Variants in FRAS1 observed in about 807,000 individuals in gnomAD.
FRAS1 encodes the protein extracellular matrix organizing protein FRAS1.
In FRAS1, 290 loss-of-function variants were observed where a neutral mutation model predicts 435.2. That is an observed-to-expected ratio of 0.67 (90% CI 0.61 to 0.73). FRAS1 has a LOEUF of 0.73. FRAS1 is among the 30% of genes least tolerant of loss of function. The probability of loss-of-function intolerance (pLI) is 0.00; values close to 1 mark genes in which losing one functional copy is unlikely to be tolerated. For synonymous variants in FRAS1, 1,800 were observed against 1,851.0 expected (o/e 0.97, Z 0.71); for missense variants, 4,860 against 5,001.5 (o/e 0.97, Z 0.85).
chr4:78,413,666 C>T (rs1397733497), intron 32 of FRAS1, among the ~76,000 whole-genome samples: 2 of 152,204 alleles, frequency 1.3e-5, no homozygotes, highest in Non-Finnish European at 2.9e-5. Context: ...GAGAATAGAA[C>T]TGTTGCTAAA....
At chr4:78,091,197 T>A (rs755843790) in intron 2 of FRAS1, among the ~76,000 whole-genome samples, 1 of 152,074 alleles carries the variant, frequency 6.6e-6, no homozygotes, top group Non-Finnish European at 1.5e-5. Context: ...CACCATCTAG[T>A]CTGTCACAAA....
intron 9 of FRAS1, among the ~76,000 whole-genome samples, chr4:78,274,913 G>T (rs1357591201): frequency 3.3e-5 from 5 of 152,116 alleles, no homozygotes; most frequent in Non-Finnish European, 7.4e-5. Flanking sequence ...TGACAGTGGG[G>T]TGTTAAAGTC....
chr4:78,128,468 C>T (rs1211635155), intron 2 of FRAS1, among the ~76,000 whole-genome samples: 2 of 152,202 alleles, frequency 1.3e-5, no homozygotes, highest in Non-Finnish European at 2.9e-5. Flanking sequence ...GATGGTATCT[C>T]ATTGTGGTTT....
chr4:78,406,850 T>C (rs1443209209), intron 30 of FRAS1, among the ~76,000 whole-genome samples: 1 of 152,214 alleles, frequency 6.6e-6, no homozygotes, highest in Admixed American at 6.5e-5. Flanking sequence ...CTATTACAAG[T>C]TGAGCATCCC....
intron 2 of FRAS1, among the ~76,000 whole-genome samples, chr4:78,221,915 C>T (rs1441588363): frequency 6.6e-6 from 1 of 152,162 alleles, no homozygotes; most frequent in Non-Finnish European, 1.5e-5. Context: ...TTATAGTGTT[C>T]ACTCTGTCTT....
intron 59 of FRAS1, among the ~76,000 whole-genome samples, chr4:78,489,777 C>G (rs1720286188): frequency 6.6e-6 from 1 of 151,980 alleles, no homozygotes; most frequent in African/African-American, 2.4e-5. Context: ...TGAATATACT[C>G]CACTGTTACT....
intron 9 of FRAS1, among the ~76,000 whole-genome samples, chr4:78,269,322 G>A (rs1035738454): frequency 3.3e-5 from 5 of 152,182 alleles, no homozygotes; most frequent in African/African-American, 1.2e-4. Context: ...AGGAGCTCCC[G>A]GAGGAAATGA....
chr4:78,372,187 TA>T (rs1166351190), intron 23 of FRAS1, among the ~76,000 whole-genome samples: 1 of 152,238 alleles, frequency 6.6e-6, no homozygotes, highest in Non-Finnish European at 1.5e-5. Context: ...ATGCCCCATA[TA>T]ATTCTGACAT....
chr4:78,306,697 T>C (rs1728731903), intron 14 of FRAS1, among the ~76,000 whole-genome samples: 1 of 150,824 alleles, frequency 6.6e-6, no homozygotes, highest in African/African-American at 2.4e-5. Flanking sequence ...TTCTCGAGCC[T>C]TGGTTTTCAG....
chr4:78,509,120 C>T, intron 63 of FRAS1, 114 bp downstream of exon 63: 4 of 1,168,690 alleles, frequency 3.4e-6, no homozygotes, highest in South Asian at 2.8e-5. Flanking sequence ...TGGAATAAAA[C>T]AAATAAGCAG....
At chr4:78,116,375 T>C (rs1003996277) in intron 2 of FRAS1, among the ~76,000 whole-genome samples, 4 of 152,218 alleles carry the variant, frequency 2.6e-5, no homozygotes, top group African/African-American at 9.6e-5. Context: ...GTTTAATTCC[T>C]GGATATCCTT....
Position 78,318,974 on chromosome 4 carries a change from G to A in FRAS1, c.2125G>A (p.Gly709Ser). The A allele has an allele frequency of 6.2e-7, 1 of 1,613,738 alleles. No homozygotes were observed. The highest frequency in any genetic ancestry group is 8.5e-7 in the Non-Finnish European group (1 of 1,179,800). The change falls in exon 18 of 74, where the codon GGC (glycine) becomes AGC (serine). Residue 709 changes from glycine (G) to serine (S), a missense_variant. Coordinates refer to ENST00000512123, the MANE Select transcript of FRAS1 (RefSeq NM_025074.7). The stretch of plus-strand genomic sequence containing the variant: ...AGCCCATTTTTACTTGGAGAGCACT[G>A]GCATATGTGAAGGTAAGCATGATTT... Reference protein sequence around the residue: ...CRAHFYLESTGICEACHQSCF... With the variant: ...CRAHFYLESTSICEACHQSCF...
chr4:78,497,202 G>T (rs1720532898), intron 60 of FRAS1, among the ~76,000 whole-genome samples: 2 of 152,052 alleles, frequency 1.3e-5, no homozygotes, highest in South Asian at 4.1e-4. Flanking sequence ...GACTGATTGT[G>T]GTCAAAAGCT....
intron 2 of FRAS1, among the ~76,000 whole-genome samples, chr4:78,225,828 T>C (rs1433260257): frequency 2.0e-5 from 3 of 152,240 alleles, no homozygotes; most frequent in African/African-American, 7.2e-5. Flanking sequence ...CTCTCAATGT[T>C]ATTGGATCCA....
intron 22 of FRAS1, among the ~76,000 whole-genome samples, chr4:78,364,681 A>G (rs934735923): frequency 6.6e-6 from 1 of 152,212 alleles, no homozygotes; most frequent in Non-Finnish European, 1.5e-5. Context: ...ATTTGCCTGA[A>G]AAAAAATTAA....
chr4:78,249,064 CATATAT>C lies in FRAS1; in HGVS notation c.310-3311_310-3306del, dbSNP rs200267733. Among the ~76,000 whole-genome samples the C allele has an allele frequency of 1.5e-3, 25 of 16,636 alleles. 2 individuals are homozygous for C. The highest frequency in any genetic ancestry group is 2.3e-3 in the Admixed American group (2 of 876). The allele number at this position is 16,636 out of a possible 152,430, so 10.9% of individuals were successfully genotyped here. ...AGAACTACTGATATATATATATATGCATATATATATATATATATATATGCATGTGCT... is the reference window on the plus strand; with the variant it reads ...AGAACTACTGATATATATATATATGCATATATATATATATATGCATGTGCT... On this transcript the variant is annotated intron_variant, in intron 4 of 73. Transcript: ENST00000512123.
Position 78,372,691 on chromosome 4 carries a change from A to G in FRAS1, c.2870-27A>G, listed in dbSNP as rs534224072. On this transcript the variant is annotated intron_variant, in intron 23 of 73. Transcript: ENST00000512123. ...GGTCTGAGGGTGGACAGAAAGGAAG[A>G]TAATCTAATGCAGACTTTCTTTTTA... is the stretch of plus-strand genomic sequence containing the variant. 5.6e-5 allele frequency: 91 copies of G among 1,611,074 alleles called. No individual in the cohort carries two copies. In the East Asian group the frequency reaches 2.0e-3, roughly 35 times the overall value.
chr4:78,078,752 G>C (rs1287560095), intron 2 of FRAS1, among the ~76,000 whole-genome samples: 2 of 152,026 alleles, frequency 1.3e-5, no homozygotes. Flanking sequence ...CTGAGAATAA[G>C]AATAGAGAGT....
chr4:78,128,177 A>T (rs1212229189), intron 2 of FRAS1, among the ~76,000 whole-genome samples: 3 of 152,028 alleles, frequency 2.0e-5, no homozygotes, highest in African/African-American at 7.3e-5. Flanking sequence ...GTTGGTTCCA[A>T]GTCTTTGCTA....
Sources: allele counts gnomAD v4.1 joint callset (sites outside exome capture counted in the v4.1 genomes callset), GRCh38; gene constraint gnomAD v4.1.1; transcripts MANE v1.5; gene names NCBI Gene and HGNC (gene_info 2026-07-23, HGNC 2026-07-21).